Variants in CCDC141 observed in about 807,000 individuals in gnomAD.
CCDC141 encodes the protein coiled-coil domain-containing protein 141.
Under a neutral mutation model 181.0 loss-of-function variants are expected in CCDC141, and 168 were observed. The observed-to-expected ratio is 0.93, with a 90% CI of 0.82 to 1.05. The LOEUF (loss-of-function observed/expected upper bound fraction) is 1.05. CCDC141 is among the 50% of genes least tolerant of loss of function. The probability of loss-of-function intolerance (pLI) is 0.00; values close to 1 mark genes in which losing one functional copy is unlikely to be tolerated. For missense variants in CCDC141, 1,902 were observed against 1,788.5 expected (o/e 1.06, Z -1.14); for synonymous variants, 666 against 642.3 (o/e 1.04, Z -0.56).
chr2:178,973,703 A>T (rs1425833216), intron 4 of CCDC141, among the ~76,000 whole-genome samples: 1 of 152,214 alleles, frequency 6.6e-6, no homozygotes, highest in African/African-American at 2.4e-5. Flanking sequence ...CCTCTGGAGA[A>T]TGCTTTCATT....
At chr2:178,845,501 T>A (rs1229082395) in intron 22 of CCDC141, 125 bp downstream of exon 22, 23 of 637,622 alleles carry the variant, frequency 3.6e-5, no homozygotes, top group Non-Finnish European at 5.9e-5. Context: ...TCACATTGCA[T>A]TTACACTGGG....
At chr2:178,931,549 G>A (rs1272446226) in intron 6 of CCDC141, among the ~76,000 whole-genome samples, 2 of 152,092 alleles carry the variant, frequency 1.3e-5, no homozygotes, top group Non-Finnish European at 2.9e-5. Flanking sequence ...CATGCAAAGT[G>A]AAAGAATTCA....
At chr2:178,955,601 A>G (rs1690128235) in intron 5 of CCDC141, among the ~76,000 whole-genome samples, 1 of 152,312 alleles carries the variant, frequency 6.6e-6, no homozygotes, top group Non-Finnish European at 1.5e-5. Context: ...GTTATAATAC[A>G]GTATATATAG....
At position 178,833,089 on chromosome 2, in the gene CCDC141, A is replaced by G. The variant is rs1561615274; in HGVS notation, c.*1084T>C. The stretch of plus-strand genomic sequence containing the variant: ...GTCTTCAGAAATTAGATAGGAATTT[A>G]AGCTCTAATTCATAAAACATCACTT... On this transcript the variant is annotated 3_prime_UTR_variant, in exon 24 of 24. Coordinates refer to ENST00000443758, the MANE Select transcript of CCDC141 (RefSeq NM_173648.4). 3 of 152,198 alleles carry G rather than the reference A, an allele frequency of 2.0e-5. No individual in the cohort carries two copies. The highest frequency in any genetic ancestry group is 1.5e-5 in the Non-Finnish European group (1 of 68,030). 9.4% of individuals were successfully genotyped at this position (152,198 alleles called of 1,614,324 possible).
chr2:178,956,387 C>T (rs1227152389), intron 5 of CCDC141, among the ~76,000 whole-genome samples: 1 of 152,174 alleles, frequency 6.6e-6, no homozygotes, highest in Non-Finnish European at 1.5e-5. Flanking sequence ...GCTTTGGCCT[C>T]CTGGGCTCAA....
At chr2:178,939,730 C>T (rs1202090865) in intron 6 of CCDC141, among the ~76,000 whole-genome samples, 1 of 151,690 alleles carries the variant, frequency 6.6e-6, no homozygotes, top group African/African-American at 2.4e-5. Flanking sequence ...GGAGGTCGTC[C>T]AAGGGGTATA....
At chr2:178,842,692 G>A (rs1244407490) in intron 22 of CCDC141, among the ~76,000 whole-genome samples, 1 of 152,200 alleles carries the variant, frequency 6.6e-6, no homozygotes, top group Non-Finnish European at 1.5e-5. Flanking sequence ...CCTTACTTTA[G>A]GGTAAATAAG....
At position 179,044,054 on chromosome 2, in the gene CCDC141, C is replaced by T. The variant is rs140381389; in HGVS notation, c.225+3230G>A. ...CAAATCACAAATGAACTCCCATTCA[C>T]AATTGCCACAAAAAGAATAAAATAC... On this transcript the variant is annotated intron_variant, in intron 2 of 23. Transcript: ENST00000443758. Among the ~76,000 whole-genome samples the T allele has an allele frequency of 2.5e-4, 38 of 152,232 alleles. 1 individual carries two copies. In the East Asian group the frequency reaches 5.6e-3, roughly 22 times the overall value.
intron 17 of CCDC141, among the ~76,000 whole-genome samples, chr2:178,864,869 T>G (rs1685777469): frequency 6.6e-6 from 1 of 152,248 alleles, no homozygotes; most frequent in African/African-American, 2.4e-5. Context: ...CACCACCTTC[T>G]TTCCCAATGG....
At chr2:178,948,077 G>A (rs1247701856) in intron 5 of CCDC141, among the ~76,000 whole-genome samples, 1 of 151,976 alleles carries the variant, frequency 6.6e-6, no homozygotes, top group Non-Finnish European at 1.5e-5. Flanking sequence ...GCACACACCT[G>A]TAGTCCCAGC....
intron 18 of CCDC141, among the ~76,000 whole-genome samples, 195 bp downstream of exon 18, chr2:178,856,062 A>G (rs894846524): frequency 4.6e-5 from 7 of 152,240 alleles, no homozygotes; most frequent in Non-Finnish European, 7.3e-5. Flanking sequence ...ATCTGCCTCA[A>G]GAGGTAAATC....
chr2:178,881,058 T>C (rs1686581175), intron 11 of CCDC141, among the ~76,000 whole-genome samples: 2 of 152,022 alleles, frequency 1.3e-5, no homozygotes, highest in Non-Finnish European at 1.5e-5. Context: ...GTAGAAAAAG[T>C]GGGTACAATG....
chr2:178,955,748 G>A (rs1165002205), intron 5 of CCDC141, among the ~76,000 whole-genome samples: 1 of 151,934 alleles, frequency 6.6e-6, no homozygotes, highest in Non-Finnish European at 1.5e-5. Context: ...TGCTTGGAGG[G>A]TGATGTCTAC....
At chr2:178,934,115 C>T (rs1689198107) in intron 6 of CCDC141, among the ~76,000 whole-genome samples, 1 of 151,918 alleles carries the variant, frequency 6.6e-6, no homozygotes, top group Non-Finnish European at 1.5e-5. Context: ...TTCAACACCC[C>T]CCAGGTGACT....
At chr2:178,866,003 A>C (rs961107577) in intron 16 of CCDC141, 87 bp from the exon 17 acceptor site, 2 of 1,062,308 alleles carry the variant, frequency 1.9e-6, no homozygotes, top group African/African-American at 3.3e-5. Flanking sequence ...TGAAACTCAT[A>C]AATGACACTT....
At chr2:178,853,036 T>G (rs1685225886) in intron 20 of CCDC141, among the ~76,000 whole-genome samples, 1 of 151,966 alleles carries the variant, frequency 6.6e-6, no homozygotes, top group South Asian at 2.1e-4. Flanking sequence ...ACTTCAGTCT[T>G]AGCTTTATGT....
chr2:178,817,469 A>T, the CCDC141 span: 9 of 469,916 alleles, frequency 1.9e-5, no homozygotes, highest in Admixed American at 9.4e-5. Flanking sequence ...AGAAAAACAT[A>T]GAGTTATGAA....
At chr2:178,856,762 T>C (rs1012225791) in intron 17 of CCDC141, among the ~76,000 whole-genome samples, 3 of 152,092 alleles carry the variant, frequency 2.0e-5, no homozygotes, top group African/African-American at 7.2e-5. Context: ...TTTTTGTATT[T>C]TTAGTGGAGA....
intron 7 of CCDC141, among the ~76,000 whole-genome samples, chr2:178,908,097 C>T (rs907941939): frequency 6.6e-6 from 1 of 152,130 alleles, no homozygotes; most frequent in African/African-American, 2.4e-5. Flanking sequence ...CATCATTTGC[C>T]AATAACCACT....
Sources: gnomAD v4.1 joint callset for allele counts (sites outside exome capture counted in the v4.1 genomes callset) on GRCh38, gnomAD v4.1.1 for gene constraint, MANE v1.5 for transcripts, NCBI Gene and HGNC (gene_info 2026-07-23, HGNC 2026-07-21) for gene names.